MIPEP: variants seen among roughly 807,000 people sequenced by gnomAD.
MIPEP encodes mitochondrial intermediate peptidase.
Under a neutral mutation model 90.3 loss-of-function variants are expected in MIPEP, and 79 were observed. The ratio of observed to expected loss-of-function variants is 0.87; its 90% CI spans 0.73 to 1.05. MIPEP has a LOEUF of 1.05. MIPEP is among the 50% of genes least tolerant of loss of function. The pLI is 0.00. For missense variants in MIPEP, 940 were observed against 905.6 expected (o/e 1.04, Z -0.49); for synonymous variants, 334 against 315.8 (o/e 1.06, Z -0.61).
intron 18 of MIPEP, among the ~76,000 whole-genome samples, chr13:23,746,848 AG>A (rs1031828650): frequency 5.3e-5 from 8 of 152,164 alleles, no homozygotes; most frequent in African/African-American, 1.9e-4. Context: ...TACTTGAGGA[AG>A]AAAAACCTCT....
At chr13:23,747,087 A>G (rs1012078444) in intron 18 of MIPEP, among the ~76,000 whole-genome samples, 4 of 152,182 alleles carry the variant, frequency 2.6e-5, no homozygotes, top group Non-Finnish European at 5.9e-5. Context: ...GAGGCAAAAG[A>G]GTGTGACCGA....
chr13:23,888,051 C>CA (rs1160516221), intron 1 of MIPEP: 4 of 399,568 alleles, frequency 1.0e-5, no homozygotes, highest in Non-Finnish European at 1.9e-5. Flanking sequence ...TTTTTCAAGG[C>CA]AAAAATCAAT....
intron 16 of MIPEP, among the ~76,000 whole-genome samples, chr13:23,795,579 T>C (rs975720162): frequency 6.6e-6 from 1 of 152,344 alleles, no homozygotes; most frequent in Non-Finnish European, 1.5e-5. Context: ...TCATGTCTTA[T>C]CAACTATTCT....
intron 16 of MIPEP, among the ~76,000 whole-genome samples, chr13:23,765,353 T>A (rs974888196): frequency 1.3e-5 from 2 of 152,198 alleles, no homozygotes; most frequent in Non-Finnish European, 2.9e-5. Context: ...CATAATTACA[T>A]ATTTTGAGAG....
intron 14 of MIPEP, among the ~76,000 whole-genome samples, chr13:23,811,378 T>G (rs1953169049): frequency 6.6e-6 from 1 of 152,206 alleles, no homozygotes; most frequent in Admixed American, 6.5e-5. Flanking sequence ...TACATTGTCT[T>G]TAGCTTATTC....
chr13:23,885,737 TAA>T (rs112344938), intron 2 of MIPEP, among the ~76,000 whole-genome samples: 3 of 141,614 alleles, frequency 2.1e-5, no homozygotes, highest in Non-Finnish European at 1.6e-5. Flanking sequence ...GGTTTTTAAT[TAA>T]AAAAAAAAAA....
intron 12 of MIPEP, among the ~76,000 whole-genome samples, chr13:23,838,685 C>T (rs1460471802): frequency 6.6e-6 from 1 of 152,160 alleles, no homozygotes; most frequent in Non-Finnish European, 1.5e-5. Context: ...AACTGCCACA[C>T]CTTGGATCTG....
intron 7 of MIPEP, among the ~76,000 whole-genome samples, chr13:23,866,548 C>T (rs1218112275): frequency 6.6e-6 from 1 of 152,164 alleles, no homozygotes; most frequent in Non-Finnish European, 1.5e-5. Context: ...CAGCTGATCT[C>T]TCCCCTCTCC....
chr13:23,776,321 A>C (rs922269959), intron 16 of MIPEP, among the ~76,000 whole-genome samples: 1 of 152,152 alleles, frequency 6.6e-6, no homozygotes, highest in Non-Finnish European at 1.5e-5. Context: ...ATCATCAAGC[A>C]ACCAGGACTA....
At position 23,770,090 on chromosome 13, in the gene MIPEP, G is replaced by T. The variant is rs147791741; in HGVS notation, c.1849-9873C>A. Reference sequence around the variant, plus strand: ...ATAAACTCCTCTTTGTAAATTACCCGGTTTCAGGTATTCTGTTATAAGCAA... The same window carrying T: ...ATAAACTCCTCTTTGTAAATTACCCTGTTTCAGGTATTCTGTTATAAGCAA... On this transcript the variant is annotated intron_variant, in intron 16 of 18. Coordinates refer to ENST00000382172, the MANE Select transcript of MIPEP (RefSeq NM_005932.4). Among the ~76,000 whole-genome samples the T allele has an allele frequency of 1.5e-3, 230 of 152,220 alleles. 2 individuals are homozygous for T. Among genetic ancestry groups the T allele is most frequent in the African/African-American group, 5.4e-3 (225 of 41,528 alleles).
intron 1 of MIPEP, chr13:23,888,058 C>A (rs1871589028): frequency 1.5e-5 from 6 of 404,460 alleles, no homozygotes; most frequent in African/African-American, 4.3e-5. Context: ...AGGCAAAAAT[C>A]AATTCTAAAA....
At chr13:23,763,993 T>C (rs1252028102) in intron 16 of MIPEP, among the ~76,000 whole-genome samples, 1 of 152,240 alleles carries the variant, frequency 6.6e-6, no homozygotes, top group Non-Finnish European at 1.5e-5. Flanking sequence ...AAAAATAAAA[T>C]ATAGCATTTC....
At chr13:23,841,821 T>C (rs1231041535) in intron 10 of MIPEP, among the ~76,000 whole-genome samples, 4 of 152,166 alleles carry the variant, frequency 2.6e-5, no homozygotes, top group African/African-American at 9.7e-5. Flanking sequence ...ACATGCAAAA[T>C]ATGATCAGTT....
intron 9 of MIPEP, among the ~76,000 whole-genome samples, chr13:23,861,511 A>C (rs1043848065): frequency 3.9e-5 from 6 of 152,214 alleles, no homozygotes; most frequent in African/African-American, 1.4e-4. Context: ...TAATGGGATT[A>C]ATCTGTTTCC....
intron 10 of MIPEP, among the ~76,000 whole-genome samples, chr13:23,845,770 A>G (rs1429824616): frequency 6.6e-6 from 1 of 152,190 alleles, no homozygotes; most frequent in Non-Finnish European, 1.5e-5. Flanking sequence ...ACTCTCGCCA[A>G]TGTAATTCTG....
At chr13:23,853,120 C>T (rs984453834) in intron 10 of MIPEP, among the ~76,000 whole-genome samples, 4 of 152,026 alleles carry the variant, frequency 2.6e-5, no homozygotes, top group Non-Finnish European at 5.9e-5. Flanking sequence ...AAAAAAGTTA[C>T]AGGAAGCAAA....
At chr13:23,754,223 T>C (rs1593134170) in intron 18 of MIPEP, among the ~76,000 whole-genome samples, 1 of 152,182 alleles carries the variant, frequency 6.6e-6, no homozygotes, top group African/African-American at 2.4e-5. Context: ...CCTGCTGTTT[T>C]GGGGTACAGA....
chr13:23,877,715 A>G (rs757737754), intron 4 of MIPEP, among the ~76,000 whole-genome samples: 1 of 152,206 alleles, frequency 6.6e-6, no homozygotes, highest in Non-Finnish European at 1.5e-5. Context: ...ATTAACTTAC[A>G]AGACTTTATT....
chr13:23,837,479 C>A lies in MIPEP; in HGVS notation c.1543+73G>T, dbSNP rs1191505147. On this transcript the variant is annotated intron_variant, in intron 13 of 18. Transcript: ENST00000382172. ...ATGATCACATTTTCCAAATAAAAAG[C>A]CCCTTTCCCAATTCAAAGAAAATGT... 3 of 1,170,102 alleles carry A rather than the reference C, an allele frequency of 2.6e-6. No individual in the cohort carries two copies. The South Asian group carries it at 4.0e-5, about 16-fold the overall frequency. 72.5% of individuals were successfully genotyped at this position (1,170,102 alleles called of 1,614,324 possible).
Sources: allele counts gnomAD v4.1 joint callset (sites outside exome capture counted in the v4.1 genomes callset), GRCh38; gene constraint gnomAD v4.1.1; transcripts MANE v1.5; gene names NCBI Gene and HGNC (gene_info 2026-07-23, HGNC 2026-07-21).